Variants in PHF7 observed in about 807,000 individuals in gnomAD.
The protein encoded by PHF7 is PHD finger protein 7.
A neutral mutation model predicts 47.5 loss-of-function variants in PHF7; 24 were observed. The ratio of observed to expected loss-of-function variants is 0.51; its 90% CI spans 0.37 to 0.71. The LOEUF is 0.71. Ranked by LOEUF, PHF7 falls within the 30% of genes least tolerant of loss-of-function variation. PHF7 has a pLI of 0.00. For missense variants in PHF7, 361 were observed against 456.8 expected (o/e 0.79, Z 1.91); for synonymous variants, 156 against 153.8 (o/e 1.01, Z -0.11).
intron 9 of PHF7, 72 bp from the exon 10 acceptor site, chr3:52,422,688 C>T: frequency 1.3e-6 from 2 of 1,546,752 alleles, no homozygotes; most frequent in Non-Finnish European, 1.8e-6. Flanking sequence ...ATGCCTGGCC[C>T]ATAGCAAACA....
At chr3:52,412,322 A>G (rs1705473871) in intron 1 of PHF7, among the ~76,000 whole-genome samples, 1 of 152,184 alleles carries the variant, frequency 6.6e-6, no homozygotes, top group South Asian at 2.1e-4. Flanking sequence ...CTTAGGAAAA[A>G]GCTACCTTAT....
chr3:52,423,023 G>A (rs767492964), intron 10 of PHF7, 68 bp from the exon 11 acceptor site: 73 of 1,478,258 alleles, frequency 4.9e-5, no homozygotes, highest in East Asian at 1.1e-4. Flanking sequence ...AGCTAGAGAG[G>A]AGCTTAAGGA....
intron 4 of PHF7, among the ~76,000 whole-genome samples, chr3:52,416,470 C>T (rs1010416767): frequency 2.0e-5 from 3 of 151,098 alleles, no homozygotes; most frequent in African/African-American, 7.3e-5. Context: ...AGGCGTGAGC[C>T]ACCGCGCCTG....
chr3:52,420,077 T>TTC (rs1363502388), intron 5 of PHF7, 143 bp downstream of exon 5: 1 of 722,390 alleles, frequency 1.4e-6, no homozygotes, highest in African/African-American at 1.8e-5. Context: ...AAGTCCCATA[T>TTC]TCCTCTGGGG....
At chr3:52,419,318 A>G (rs1397203463) in intron 4 of PHF7, among the ~76,000 whole-genome samples, 2 of 152,202 alleles carry the variant, frequency 1.3e-5, no homozygotes, top group East Asian at 1.9e-4. Flanking sequence ...GGAGGACTCA[A>G]TGAGTTAATA....
Position 52,412,823 on chromosome 3 carries a change from G to C in PHF7, c.-57G>C. The C allele has an allele frequency of 7.6e-7, 1 of 1,324,078 alleles. No homozygotes were observed. Among genetic ancestry groups the C allele is most frequent in the Non-Finnish European group, 1.1e-6 (1 of 920,686 alleles). The allele number at this position is 1,324,078 out of a possible 1,614,324, so 82.0% of individuals were successfully genotyped here. A position where few individuals can be genotyped will look rare whatever the true frequency, so the allele number is the denominator to read the frequency against. On this transcript the variant is annotated 5_prime_UTR_variant, in exon 2 of 11. Coordinates refer to ENST00000327906, the MANE Select transcript of PHF7 (RefSeq NM_016483.7). The stretch of plus-strand genomic sequence containing the variant: ...TTTATATTTATAGCTGGAAGAGCCT[G>C]TATTGTCCTCACAATAGTATAGAAG...
rs750223605 is a variant in PHF7, at chr3:52,412,860, GGAGA to G, written c.-13_-10del. ...CAATAGTATAGAAGAATTCAAGAGA[GGAGA>G]GAGAGACAGCACCGAATGAAGACTG... On this transcript the variant is annotated 5_prime_UTR_variant, in exon 2 of 11. Coordinates refer to ENST00000327906, the MANE Select transcript of PHF7 (RefSeq NM_016483.7). The G allele has an allele frequency of 1.1e-5, 17 of 1,593,298 alleles. No individual in the cohort carries two copies. The East Asian group carries it at 3.6e-4, about 34-fold the overall frequency.
At chr3:52,422,094 TG>T (rs1383511291) in intron 8 of PHF7, 127 bp from the exon 9 acceptor site, 1 of 735,354 alleles carries the variant, frequency 1.4e-6, no homozygotes, top group Non-Finnish European at 2.5e-6. Flanking sequence ...CCAGCCTTGT[TG>T]GAAGTGTTCA....
chr3:52,420,730 A>G (rs1422379578), intron 6 of PHF7, among the ~76,000 whole-genome samples, 173 bp from the exon 7 acceptor site: 2 of 152,168 alleles, frequency 1.3e-5, no homozygotes, highest in Non-Finnish European at 2.9e-5. Context: ...TTTGCTCAGT[A>G]GGTGAGCAGC....
chr3:52,414,178 C>T, intron 3 of PHF7, 130 bp downstream of exon 3: 1 of 660,480 alleles, frequency 1.5e-6, no homozygotes, highest in Admixed American at 3.0e-5. Context: ...TCTCTAAGAT[C>T]TTGAGGACTC....
rs549254082 is a variant in PHF7, at chr3:52,421,356, G to A, written c.574-292G>A. Among the ~76,000 whole-genome samples the A allele has an allele frequency of 5.9e-5, 9 of 152,324 alleles. No homozygotes were observed. The South Asian group carries it at 8.3e-4, about 14-fold the overall frequency. The stretch of plus-strand genomic sequence containing the variant: ...AGCCTCTATGTCAGCCTCACTTCCT[G>A]GGATGAAAGAAAAGGGAAACATGTA... On this transcript the variant is annotated intron_variant, in intron 7 of 10. Coordinates refer to ENST00000327906, the MANE Select transcript of PHF7 (RefSeq NM_016483.7).
intron 2 of PHF7, 45 bp from the exon 3 acceptor site, chr3:52,413,951 A>G (rs1455385917): frequency 1.5e-6 from 2 of 1,334,644 alleles, no homozygotes; most frequent in African/African-American, 1.4e-5. Context: ...GGTTATCAAC[A>G]AGATCCCCAA....
intron 2 of PHF7, 28 bp from the exon 3 acceptor site, chr3:52,413,968 C>G: frequency 6.5e-7 from 1 of 1,530,976 alleles, no homozygotes; most frequent in Non-Finnish European, 9.0e-7. Context: ...CCAAAGAACA[C>G]CTTGTGCTTC....
intron 4 of PHF7, among the ~76,000 whole-genome samples, chr3:52,417,093 T>G (rs534483735): frequency 3.0e-4 from 46 of 152,328 alleles, no homozygotes; most frequent in Middle Eastern, 3.4e-3. Flanking sequence ...TAGAATTGCC[T>G]TGGTGCCTTT....
At chr3:52,420,023 T>C in intron 5 of PHF7, 89 bp downstream of exon 5, 1 of 823,656 alleles carries the variant, frequency 1.2e-6, no homozygotes, top group African/African-American at 1.7e-5. Context: ...CCCTACTTCC[T>C]AGTTTAGATG....
intron 6 of PHF7, among the ~76,000 whole-genome samples, chr3:52,420,661 CT>C (rs1159945306): frequency 1.3e-5 from 2 of 152,192 alleles, no homozygotes; most frequent in African/African-American, 2.4e-5. Flanking sequence ...TCTTAGACAG[CT>C]GCTCAGCACT....
At chr3:52,416,889 A>G (rs916150482) in intron 4 of PHF7, among the ~76,000 whole-genome samples, 1 of 151,580 alleles carries the variant, frequency 6.6e-6, no homozygotes, top group Admixed American at 6.6e-5. Flanking sequence ...AATTGCTTAT[A>G]TATTTCAGAT....
chr3:52,414,116 G>T, intron 3 of PHF7, 68 bp downstream of exon 3: 1 of 1,023,150 alleles, frequency 9.8e-7, no homozygotes, highest in South Asian at 1.3e-5. Flanking sequence ...CACCTGTGTG[G>T]GGCAGTATAC....
chr3:52,418,808 A>ATT (rs201244101), intron 4 of PHF7, among the ~76,000 whole-genome samples: 12 of 141,548 alleles, frequency 8.5e-5, no homozygotes, highest in African/African-American at 1.6e-4. Context: ...CATTACAGGA[A>ATT]TTTTTTTTTT....
Sources: allele counts gnomAD v4.1 joint callset (sites outside exome capture counted in the v4.1 genomes callset), GRCh38; gene constraint gnomAD v4.1.1; transcripts MANE v1.5; gene names NCBI Gene and HGNC (gene_info 2026-07-23, HGNC 2026-07-21).